The following PSME1 variants were observed in gnomAD, a reference collection of about 807,000 sequenced individuals.
PSME1 encodes the protein proteasome activator subunit 1.
PSME1 carries 15 observed loss-of-function variants against 38.4 expected under a neutral mutation model. The ratio of observed to expected loss-of-function variants is 0.39; its 90% CI spans 0.26 to 0.60. The LOEUF is 0.60. Ranked by LOEUF, PSME1 falls within the 20% of genes least tolerant of loss-of-function variation. PSME1 has a pLI of 0.53. For missense variants in PSME1, 249 were observed against 305.6 expected (o/e 0.81, Z 1.38); for synonymous variants, 106 against 106.8 (o/e 0.99, Z 0.05).
In PSME1 at chr14:24,138,779, A is replaced by G. The variant is rs763921358; in HGVS notation, c.713A>G (p.Lys238Arg). Reference sequence around the variant, plus strand: ...ATCCTGAAGAACTTCGAGAAGCTCAAGAAGCCCAGGGGAGAAACAAAGGGA... The same window carrying G: ...ATCCTGAAGAACTTCGAGAAGCTCAGGAAGCCCAGGGGAGAAACAAAGGGA... Reference protein sequence around the residue: ...DIILKNFEKLKKPRGETKGMI... With the variant: ...DIILKNFEKLRKPRGETKGMI... Residue 238 changes from lysine to arginine, a missense_variant, in exon 11 of 11, where the codon AAG (lysine) becomes AGG (arginine). Transcript: ENST00000206451. 1 of 1,614,214 alleles carries G rather than the reference A, an allele frequency of 6.2e-7. No homozygotes were observed. Among genetic ancestry groups the G allele is most frequent in the Admixed American group, 1.7e-5 (1 of 60,026 alleles).
rs56198867 is a variant in PSME1 at position 24,137,410 on chromosome 14, G to A, written c.225G>A (p.Glu75=). Residue 75 remains glutamate, a synonymous_variant, in exon 4 of 11, where the codon GAG becomes GAA. Coordinates refer to ENST00000206451, the MANE Select transcript of PSME1 (RefSeq NM_006263.4). ...ATCCAGTCAAGGAGAAAGAGAAAGA[G>A]GAGCGGAAGAAACAGCAGGAGGCAA... ...VPDPVKEKEK[E]ERKKQQEKED... The A allele has an allele frequency of 2.5e-6, 4 of 1,614,070 alleles. No individual in the cohort carries two copies. The African/African-American group carries it at 5.3e-5, about 22-fold the overall frequency.
Position 24,137,157 on chromosome 14 carries a change from C to T in PSME1, c.87C>T (p.Leu29=), listed in dbSNP as rs138856039. 75 of 1,614,026 alleles carry T rather than the reference C, an allele frequency of 4.6e-5. No homozygotes were observed. The highest frequency in any genetic ancestry group is 6.2e-5 in the Non-Finnish European group (73 of 1,180,022). ...CTCACACACAGACAGAGAACCTGCT[C>T]GGGAGCTATTTCCCCAAGAAGATTT... ...EDLCTKTENL[L]GSYFPKKISE... is the part of the protein sequence containing the mutation. Residue 29 remains leucine (L), a synonymous_variant, in exon 3 of 11, where the codon CTC becomes CTT. Coordinates refer to ENST00000206451, the MANE Select transcript of PSME1 (RefSeq NM_006263.4).
At position 24,136,769 on chromosome 14, in the gene PSME1, C is replaced by T; in HGVS notation, c.40-216C>T. The T allele has an allele frequency of 1.6e-6, 1 of 636,690 alleles. No homozygotes were observed. Among genetic ancestry groups the T allele is most frequent in the South Asian group, 1.8e-5 (1 of 56,184 alleles). The allele number at this position is 636,690 out of a possible 1,614,324, so 39.4% of individuals were successfully genotyped here. ...TCCCCCATATCCAGCCCCAGGGATA[C>T]CCACTCCACTTTCCGTAGATCCAGG... On this transcript the variant is annotated intron_variant, in intron 1 of 10. Coordinates refer to ENST00000206451, the MANE Select transcript of PSME1 (RefSeq NM_006263.4). The surrounding 1 kb of genome is among the most constrained non-coding windows in gnomAD (Gnocchi z 4.8).
At position 24,138,734 on chromosome 14, in the gene PSME1, AG is replaced by A; in HGVS notation, c.670del. Reference sequence around the variant, plus strand: ...ACTGACCTCTACTCCCTGGCCCTGTAGGCTGTGTTATATGACATCATCCTGA... The same window carrying A: ...ACTGACCTCTACTCCCTGGCCCTGTAGCTGTGTTATATGACATCATCCTGA... On this transcript the variant is annotated splice_acceptor_variant, in intron 10 of 10. Transcript: ENST00000206451. LOFTEE classifies it high-confidence loss of function. The A allele has an allele frequency of 6.2e-7, 1 of 1,614,148 alleles. No individual in the cohort carries two copies. Among genetic ancestry groups the A allele is most frequent in the Non-Finnish European group, 8.5e-7 (1 of 1,180,034 alleles).
At position 24,138,745 on chromosome 14, in the gene PSME1, T is replaced by A; in HGVS notation, c.679T>A (p.Tyr227Asn). The A allele has an allele frequency of 6.2e-6, 10 of 1,614,164 alleles. No homozygotes were observed. Among genetic ancestry groups the A allele is most frequent in the Non-Finnish European group, 8.5e-6 (10 of 1,180,038 alleles). Residue 227 changes from tyrosine (Y) to asparagine (N), a missense_variant, in exon 11 of 11, where the codon TAT becomes AAT. Tyr to Asn is a moderately radical substitution (Grantham distance 143). Coordinates refer to ENST00000206451, the MANE Select transcript of PSME1 (RefSeq NM_006263.4). ...MEIRNAYAVL[Y>N]DIILKNFEKL... is the part of the protein sequence containing the mutation. ...CTCCCTGGCCCTGTAGGCTGTGTTA[T>A]ATGACATCATCCTGAAGAACTTCGA...
chr14:24,136,721 C>G lies in PSME1; in HGVS notation c.40-264C>G, dbSNP rs944500688. Reference sequence around the variant, plus strand: ...ATCTGTTCTCACGTGAACACTGGCCCTTCACCGCCAGGAATGTTCTCATCC... The same window carrying G: ...ATCTGTTCTCACGTGAACACTGGCCGTTCACCGCCAGGAATGTTCTCATCC... On this transcript the variant is annotated intron_variant, in intron 1 of 10. Transcript: ENST00000206451. The surrounding 1 kb of genome is among the most constrained non-coding windows in gnomAD (Gnocchi z 4.8). Among the ~76,000 whole-genome samples, 2 of 152,110 alleles carry G rather than the reference C, an allele frequency of 1.3e-5. No homozygotes were observed. The highest frequency in any genetic ancestry group is 2.9e-5 in the Non-Finnish European group (2 of 68,012).
At position 24,137,113 on chromosome 14, in the gene PSME1, C is replaced by A. The variant is rs759007007; in HGVS notation, c.73-30C>A. ...AGGACGGGCATTTGATGCTGACTCC[C>A]ATCCTCCTCCACCCCCACCTCACAC... On this transcript the variant is annotated intron_variant, in intron 2 of 10. Transcript: ENST00000206451. 3 of 1,613,994 alleles carry A rather than the reference C, an allele frequency of 1.9e-6. No homozygotes were observed. In the South Asian group the frequency reaches 3.3e-5, roughly 18 times the overall value.
rs1445532317 is a variant in PSME1, at chr14:24,137,436, G to C, written c.246+5G>C. The C allele has an allele frequency of 1.9e-6, 3 of 1,614,164 alleles. No homozygotes were observed. Among genetic ancestry groups the C allele is most frequent in the Admixed American group, 1.7e-5 (1 of 60,032 alleles). ...GAGCGGAAGAAACAGCAGGAGGCAA[G>C]CTGGGAAGACCTGGGAGAAGGGATC... On this transcript the variant is annotated splice_donor_5th_base_variant and intron_variant, in intron 4 of 10. Transcript: ENST00000206451.
Position 24,138,094 on chromosome 14 carries a change from A to G in PSME1, c.436A>G (p.Asn146Asp). Residue 146 changes from asparagine (N) to aspartate (D), a missense_variant, in exon 7 of 11, where the codon AAC (asparagine) becomes GAC (aspartate). Coordinates refer to ENST00000206451, the MANE Select transcript of PSME1 (RefSeq NM_006263.4). ...GCAGATACCTCGGATTGAGGATGGT[A>G]ACAATTTTGGAGTGGCTGTCCAGGT... ...QLQIPRIEDG[N>D]NFGVAVQEKV... The G allele has an allele frequency of 6.2e-7, 1 of 1,614,200 alleles. No homozygotes were observed. Among genetic ancestry groups the G allele is most frequent in the African/African-American group, 1.3e-5 (1 of 75,062 alleles).
In PSME1 at chr14:24,137,391, T is replaced by C; in HGVS notation, c.206T>C (p.Val69Ala). The change falls in exon 4 of 11, where the codon GTC becomes GCC. Residue 69 changes from valine to alanine, a missense_variant. Coordinates refer to ENST00000206451, the MANE Select transcript of PSME1 (RefSeq NM_006263.4). ...TTGGACATCCCAGTGCCTGATCCAG[T>C]CAAGGAGAAAGAGAAAGAGGAGCGG... The part of the protein sequence containing the change: ...APLDIPVPDP[V>A]KEKEKEERKK... 6.2e-7 allele frequency: 1 copy of C among 1,613,798 alleles called. No individual in the cohort carries two copies. Among genetic ancestry groups the C allele is most frequent in the Non-Finnish European group, 8.5e-7 (1 of 1,179,946 alleles).
Position 24,136,868 on chromosome 14 carries a change from C to G in PSME1, c.40-117C>G. 3 of 1,281,398 alleles carry G rather than the reference C, an allele frequency of 2.3e-6. No homozygotes were observed. Among genetic ancestry groups the G allele is most frequent in the Non-Finnish European group, 2.3e-6 (2 of 888,222 alleles). 79.4% of individuals were successfully genotyped at this position (1,281,398 alleles called of 1,614,324 possible). A position where few individuals can be genotyped will look rare whatever the true frequency, so the allele number is the denominator to read the frequency against. ...CCATCTCGCTTTCTTCAGGTCTGGC[C>G]TTAGAGGGATCCCCTCCACCCTTCC... is the stretch of plus-strand genomic sequence containing the variant. On this transcript the variant is annotated intron_variant, in intron 1 of 10. Coordinates refer to ENST00000206451, the MANE Select transcript of PSME1 (RefSeq NM_006263.4). This position sits in a 1 kb window ranked among gnomAD's most constrained non-coding sequence, Gnocchi z 4.8.
Position 24,138,903 on chromosome 14 carries a change from T to G in PSME1, c.*87T>G. 3 of 1,591,826 alleles carry G rather than the reference T, an allele frequency of 1.9e-6. No individual in the cohort carries two copies. In the South Asian group the frequency reaches 3.4e-5, roughly 18 times the overall value. Reference sequence around the variant, plus strand: ...TCCAGATTTTCCCCAAACTTGCTTCTGTTGAGATTTTTCCCTCACCTTGCC... The same window carrying G: ...TCCAGATTTTCCCCAAACTTGCTTCGGTTGAGATTTTTCCCTCACCTTGCC... On this transcript the variant is annotated 3_prime_UTR_variant, in exon 11 of 11. Coordinates refer to ENST00000206451, the MANE Select transcript of PSME1 (RefSeq NM_006263.4).
At position 24,136,365 on chromosome 14, in the gene PSME1, CCCCGA is replaced by C; in HGVS notation, c.39+69_39+73del. On this transcript the variant is annotated intron_variant, in intron 1 of 10. Transcript: ENST00000206451. The surrounding 1 kb of genome is among the most constrained non-coding windows in gnomAD (Gnocchi z 4.8). ...GCGTGGCTGGAGCGGCCGGGGGCAT[CCCCGA>C]CCCGCCCCCCAGGCTCCCACGCGAG... 2 of 1,414,844 alleles carry C rather than the reference CCCCGA, an allele frequency of 1.4e-6. No homozygotes were observed. Among genetic ancestry groups the C allele is most frequent in the South Asian group, 2.8e-5 (2 of 71,976 alleles). 87.6% of individuals were successfully genotyped at this position (1,414,844 alleles called of 1,614,324 possible). A position where few individuals can be genotyped will look rare whatever the true frequency, so the allele number is the denominator to read the frequency against.
intron 10 of PSME1, 41 bp downstream of exon 10, chr14:24,138,601 T>A (rs913619811): frequency 6.2e-7 from 1 of 1,613,892 alleles, no homozygotes; most frequent in Non-Finnish European, 8.5e-7. Flanking sequence ...CAGAGGCAGC[T>A]TTCCCAGGCC....
rs1594355836 is a variant in PSME1, at chr14:24,137,731, A to G, written c.324A>G (p.Glu108=). ...CCTGTGGCCCAGTGAACTGCAATGA[A>G]AAGATCGTGGTCCTTCTGCAGCGCT... is the stretch of plus-strand genomic sequence containing the variant. The part of the protein sequence containing the change: ...GPPCGPVNCN[E]KIVVLLQRLK... Residue 108 remains glutamate (E), a synonymous_variant, in exon 6 of 11, where the codon GAA becomes GAG. Coordinates refer to ENST00000206451, the MANE Select transcript of PSME1 (RefSeq NM_006263.4). 1 of 1,614,234 alleles carries G rather than the reference A, an allele frequency of 6.2e-7. No individual in the cohort carries two copies. Among genetic ancestry groups the G allele is most frequent in the Non-Finnish European group, 8.5e-7 (1 of 1,180,038 alleles).
Position 24,137,682 on chromosome 14 carries a change from C to T in PSME1, c.293-18C>T. On this transcript the variant is annotated intron_variant, in intron 5 of 10. Coordinates refer to ENST00000206451, the MANE Select transcript of PSME1 (RefSeq NM_006263.4). ...ACACAGGCTCAATCATGTGACTGAC[C>T]CATTGCTCACTCTCTAGGTCCTCCC... 6.2e-7 allele frequency: 1 copy of T among 1,612,650 alleles called. No homozygotes were observed. Among genetic ancestry groups the T allele is most frequent in the Non-Finnish European group, 8.5e-7 (1 of 1,178,644 alleles).
chr14:24,137,407 A>G lies in PSME1; in HGVS notation c.222A>G (p.Lys74=), dbSNP rs2037925763. ...PVPDPVKEKE[K]EERKKQQEKE... ...CTGATCCAGTCAAGGAGAAAGAGAAAGAGGAGCGGAAGAAACAGCAGGAGG... is the reference window on the plus strand; with the variant it reads ...CTGATCCAGTCAAGGAGAAAGAGAAGGAGGAGCGGAAGAAACAGCAGGAGG... Residue 74 remains lysine, a synonymous_variant, in exon 4 of 11, where the codon AAA becomes AAG. Transcript: ENST00000206451. 6.2e-7 allele frequency: 1 copy of G among 1,614,210 alleles called. No individual in the cohort carries two copies.
In PSME1 at chr14:24,137,141, A is replaced by AGAC. The variant is rs2037918513; in HGVS notation, c.73-1_74dup. On this transcript the variant is annotated splice_acceptor_variant, in intron 2 of 10. Coordinates refer to ENST00000206451, the MANE Select transcript of PSME1 (RefSeq NM_006263.4). LOFTEE classifies it high-confidence loss of function. ...CCTCCTCCACCCCCACCTCACACAC[A>AGAC]GACAGAGAACCTGCTCGGGAGCTAT... The AGAC allele has an allele frequency of 1.2e-6, 2 of 1,614,148 alleles. No individual in the cohort carries two copies. The highest frequency in any genetic ancestry group is 1.7e-6 in the Non-Finnish European group (2 of 1,179,996).
intron 6 of PSME1, 73 bp from the exon 7 acceptor site, chr14:24,137,976 G>A: frequency 6.4e-7 from 1 of 1,574,624 alleles, no homozygotes; most frequent in Non-Finnish European, 8.7e-7. Context: ...TGTGGGGAGG[G>A]AAGCAAGGGA....
Sources: allele counts gnomAD v4.1 joint callset (sites outside exome capture counted in the v4.1 genomes callset), GRCh38; gene constraint gnomAD v4.1.1; non-coding constraint Gnocchi (gnomAD v3.1); transcripts MANE v1.5; gene names NCBI Gene and HGNC (gene_info 2026-07-23, HGNC 2026-07-21).